INSC: variants seen among roughly 807,000 people sequenced by gnomAD.
The protein encoded by INSC is INSC spindle orientation adaptor protein.
Under a neutral mutation model 58.6 loss-of-function variants are expected in INSC, and 67 were observed. That is an observed-to-expected ratio of 1.14 (90% CI 0.94 to 1.40). The LOEUF is 1.40. Among genes scored for constraint, INSC ranks in the 40% most tolerant of loss-of-function variants. The probability of loss-of-function intolerance (pLI) is 0.00; values close to 1 mark genes in which losing one functional copy is unlikely to be tolerated. For missense variants in INSC, 714 were observed against 692.0 expected, an observed-to-expected ratio of 1.03 and a Z score of -0.36; for synonymous variants, 262 against 276.1, an observed-to-expected ratio of 0.95 and a Z score of 0.51.
downstream of INSC, among the ~76,000 whole-genome samples, chr11:15,249,978 AGGATTTTCTT>A (rs1189688815): frequency 6.6e-6 from 1 of 152,232 alleles, no homozygotes; most frequent in Non-Finnish European, 1.5e-5. Context: ...ATTAAAAGTT[AGGATTTTCTT>A]GGCCTAAAGC....
intron 1 of INSC, among the ~76,000 whole-genome samples, chr11:15,142,829 A>G (rs1217384473): frequency 6.6e-6 from 1 of 151,016 alleles, no homozygotes; most frequent in Non-Finnish European, 1.5e-5. Context: ...ATATATTTTT[A>G]TTATACTTTA....
At chr11:15,261,230 A>G in the INSC span, among the ~76,000 whole-genome samples, 1 of 152,026 alleles carries the variant, frequency 6.6e-6, no homozygotes, top group Non-Finnish European at 1.5e-5. Context: ...GTTCTGATCC[A>G]GGTTTTTTTC....
the INSC span, among the ~76,000 whole-genome samples, chr11:15,262,412 C>T: frequency 4.6e-5 from 7 of 152,044 alleles, no homozygotes; most frequent in Non-Finnish European, 8.8e-5. Context: ...TGGATGAAAA[C>T]GAAGTCCAGA....
chr11:15,254,922 G>C, the INSC span, among the ~76,000 whole-genome samples: 1,314 of 152,296 alleles, frequency 8.6e-3, 19 homozygotes, highest in African/African-American at 0.03. Flanking sequence ...GAAATAACAC[G>C]TACTATTACC....
At chr11:15,178,542 G>A in intron 5 of INSC, 95 bp downstream of exon 5, 1 of 1,414,482 alleles carries the variant, frequency 7.1e-7, no homozygotes, top group South Asian at 1.3e-5. Context: ...GGAAGCTACT[G>A]ATGTGGACTT....
chr11:15,269,073 G>T, the INSC span, among the ~76,000 whole-genome samples: 1 of 151,870 alleles, frequency 6.6e-6, no homozygotes, highest in African/African-American at 2.4e-5. Context: ...CAATTAACTT[G>T]CAGTCACTGC....
chr11:15,229,908 A>T (rs1315831082), intron 9 of INSC, among the ~76,000 whole-genome samples: 3 of 122,570 alleles, frequency 2.4e-5, no homozygotes, highest in Non-Finnish European at 5.0e-5. Context: ...AAACATTTTT[A>T]TATATATATA....
intron 6 of INSC, among the ~76,000 whole-genome samples, chr11:15,191,310 C>T (rs1475588417): frequency 6.6e-6 from 1 of 151,168 alleles, no homozygotes; most frequent in Non-Finnish European, 1.5e-5. Context: ...TGGCTAGCCC[C>T]TCTGATTTCA....
intron 9 of INSC, among the ~76,000 whole-genome samples, chr11:15,227,566 C>G (rs1166913764): frequency 6.6e-6 from 1 of 152,190 alleles, no homozygotes; most frequent in Non-Finnish European, 1.5e-5. Context: ...TCCAGACTTC[C>G]TTTCCAGTCT....
chr11:15,246,755 A>G lies in INSC; in HGVS notation c.*715A>G, dbSNP rs72860410. The G allele has an allele frequency of 0.079, 12,078 of 152,176 alleles. 522 individuals carry two copies. Among genetic ancestry groups the G allele is most frequent in the African/African-American group, 0.1 (4,165 of 41,490 alleles). The allele number at this position is 152,176 out of a possible 1,614,324, so 9.4% of individuals were successfully genotyped here. A position where few individuals can be genotyped will look rare whatever the true frequency, so the allele number is the denominator to read the frequency against. ...CCTTTGGCTTCTTTGCTTTTGTGTA[A>G]CCTCCTGTTCACCTCCTGGTGAATA... On this transcript the variant is annotated 3_prime_UTR_variant, in exon 13 of 13. Coordinates refer to ENST00000379556, the MANE Select transcript of INSC (RefSeq NM_001042536.3).
chr11:15,221,125 G>A (rs1589985903), intron 7 of INSC, among the ~76,000 whole-genome samples: 1 of 152,174 alleles, frequency 6.6e-6, no homozygotes, highest in East Asian at 1.9e-4. Context: ...GGGATTGGAG[G>A]TCAGGGATGT....
chr11:15,174,528 A>G (rs1849509230), intron 2 of INSC, among the ~76,000 whole-genome samples: 1 of 152,230 alleles, frequency 6.6e-6, no homozygotes, highest in South Asian at 2.1e-4. Flanking sequence ...GACATGTTGT[A>G]GGTACTGATA....
At chr11:15,206,392 G>A (rs1027931946) in intron 7 of INSC, among the ~76,000 whole-genome samples, 2 of 151,690 alleles carry the variant, frequency 1.3e-5, no homozygotes, top group Admixed American at 6.6e-5. Flanking sequence ...CCACAGCAGG[G>A]AGCCACCCCA....
intron 1 of INSC, among the ~76,000 whole-genome samples, chr11:15,143,116 G>T (rs186921612): frequency 6.6e-6 from 1 of 152,258 alleles, no homozygotes; most frequent in East Asian, 1.9e-4. Flanking sequence ...AGGCACGGGG[G>T]GTATGGCAGT....
chr11:15,137,141 T>G (rs1166176440), intron 1 of INSC, among the ~76,000 whole-genome samples: 1 of 152,176 alleles, frequency 6.6e-6, no homozygotes, highest in Non-Finnish European at 1.5e-5. Flanking sequence ...AAGGAATATT[T>G]TTTTTCTGAG....
chr11:15,131,464 C>T (rs987325258), intron 1 of INSC, among the ~76,000 whole-genome samples: 2 of 151,928 alleles, frequency 1.3e-5, no homozygotes, highest in Non-Finnish European at 2.9e-5. Context: ...TCTGGGTGTT[C>T]TATTCATGAA....
At chr11:15,177,658 A>G (rs1849619941) in intron 4 of INSC, among the ~76,000 whole-genome samples, 1 of 152,210 alleles carries the variant, frequency 6.6e-6, no homozygotes, top group Non-Finnish European at 1.5e-5. Context: ...ATATGTTTAT[A>G]CTCAGATATG....
chr11:15,216,649 C>A (rs1442553607), intron 7 of INSC, among the ~76,000 whole-genome samples: 1 of 152,204 alleles, frequency 6.6e-6, no homozygotes. Context: ...AGAAATCACT[C>A]CCATTTTAAA....
intron 8 of INSC, among the ~76,000 whole-genome samples, chr11:15,222,219 CTCTTT>C (rs1034581629): frequency 1.3e-5 from 2 of 152,192 alleles, no homozygotes; most frequent in Admixed American, 6.5e-5. Flanking sequence ...CTAAAATATG[CTCTTT>C]TCTTAGTTTT....
Sources: allele counts gnomAD v4.1 joint callset (sites outside exome capture counted in the v4.1 genomes callset), GRCh38; gene constraint gnomAD v4.1.1; transcripts MANE v1.5; gene names NCBI Gene and HGNC (gene_info 2026-07-23, HGNC 2026-07-21).